The following RAB23 variants were observed in gnomAD, a reference collection of about 807,000 sequenced individuals.
The protein encoded by RAB23 is ras-related protein Rab-23.
RAB23 carries 15 observed loss-of-function variants against 30.0 expected under a neutral mutation model. The observed-to-expected ratio is 0.50, with a 90% CI of 0.33 to 0.77. The LOEUF (loss-of-function observed/expected upper bound fraction) is 0.77. RAB23 is among the 30% of genes least tolerant of loss of function. The pLI, the probability that RAB23 is intolerant of heterozygous loss-of-function variation, is 0.02. For synonymous variants in RAB23, 93 were observed against 94.0 expected (o/e 0.99, Z 0.06); for missense variants, 243 against 275.4 (o/e 0.88, Z 0.83).
chr6:57,190,005 G>GGT lies in RAB23; in HGVS notation c.*454_*455dup, dbSNP rs1764776127. 1 of 205,362 alleles carries GGT rather than the reference G, an allele frequency of 4.9e-6. No individual in the cohort carries two copies. Among genetic ancestry groups the GGT allele is most frequent in the Non-Finnish European group, 9.9e-6 (1 of 100,686 alleles). The allele number at this position is 205,362 out of a possible 1,614,324, so 12.7% of individuals were successfully genotyped here. On this transcript the variant is annotated 3_prime_UTR_variant, in exon 7 of 7. Transcript: ENST00000468148. The stretch of plus-strand genomic sequence containing the variant: ...ACTAATGCAGTCTGGCAAGATTTAG[G>GGT]GTTTACCTTTCAGTATTATTTTGTG...
intron 1 of RAB23, among the ~76,000 whole-genome samples, chr6:57,214,545 C>T (rs980524403): frequency 6.6e-6 from 1 of 152,142 alleles, no homozygotes; most frequent in African/African-American, 2.4e-5. Context: ...CTCAAGTGAT[C>T]CACCTGCCTT....
chr6:57,216,327 C>G (rs563439135), intron 1 of RAB23, among the ~76,000 whole-genome samples: 1 of 152,194 alleles, frequency 6.6e-6, no homozygotes, highest in South Asian at 2.1e-4. Flanking sequence ...CAAGAACAAC[C>G]ACTAAAACAA....
intron 1 of RAB23, among the ~76,000 whole-genome samples, chr6:57,219,219 T>G (rs1205546799): frequency 1.3e-5 from 2 of 152,216 alleles, no homozygotes; most frequent in African/African-American, 4.8e-5. Context: ...CCAGTATTTT[T>G]TAGAATGAGA....
chr6:57,213,505 AC>A (rs1242825800), intron 1 of RAB23, among the ~76,000 whole-genome samples: 4 of 152,106 alleles, frequency 2.6e-5, no homozygotes, highest in Non-Finnish European at 5.9e-5. Flanking sequence ...ACAATTCTTC[AC>A]CCAAGAAGAC....
intron 3 of RAB23, among the ~76,000 whole-genome samples, chr6:57,200,720 C>A (rs574002785): frequency 3.0e-4 from 46 of 151,954 alleles, no homozygotes; most frequent in African/African-American, 1.1e-3. Context: ...CAGCAACTGG[C>A]GGACATTAGG....
Position 57,187,964 on chromosome 6 carries a change from C to CTATT in RAB23, c.*2493_*2496dup, listed in dbSNP as rs1192092710. On this transcript the variant is annotated 3_prime_UTR_variant, in exon 7 of 7. Transcript: ENST00000468148. Reference sequence around the variant, plus strand: ...TGCCTTATATGGGTCATTCTATATACTATTTAATTCATAGACAGAGACTGG... The same window carrying CTATT: ...TGCCTTATATGGGTCATTCTATATACTATTTATTTAATTCATAGACAGAGACTGG... 6.7e-6 allele frequency: 1 copy of CTATT among 150,310 alleles called. No homozygotes were observed. Among genetic ancestry groups the CTATT allele is most frequent in the African/African-American group, 2.5e-5 (1 of 40,420 alleles). 9.3% of individuals were successfully genotyped at this position (150,310 alleles called of 1,614,324 possible). A position where few individuals can be genotyped will look rare whatever the true frequency, so the allele number is the denominator to read the frequency against.
At chr6:57,196,723 C>T in intron 3 of RAB23, 117 bp from the exon 4 acceptor site, 2 of 1,280,038 alleles carry the variant, frequency 1.6e-6, no homozygotes, top group Non-Finnish European at 2.2e-6. Context: ...TTCAAAACAA[C>T]TTTTATGTAA....
Position 57,210,316 on chromosome 6 carries a change from T to C in RAB23, c.65A>G (p.Lys22Arg), listed in dbSNP as rs1765605718. Residue 22 changes from lysine (K) to arginine (R), a missense_variant, in exon 2 of 7, where the codon AAA (lysine) becomes AGA (arginine). Coordinates refer to ENST00000468148, the MANE Select transcript of RAB23 (RefSeq NM_016277.5). ...MVVVGNGAVGKSSMIQRYCKG... is the reference protein window; with the variant it reads ...MVVVGNGAVGRSSMIQRYCKG... ...GCAATATCGCTGAATCATACTTGAT[T>C]TTCCAACTGCTCCATTCCCTACAAC... The C allele has an allele frequency of 3.1e-6, 5 of 1,613,984 alleles. No homozygotes were observed. Among genetic ancestry groups the C allele is most frequent in the Non-Finnish European group, 2.5e-6 (3 of 1,179,846 alleles).
At position 57,201,084 on chromosome 6, in the gene RAB23, C is replaced by CTTTTTTTTTT. The variant is rs201367113; in HGVS notation, c.242-4479_242-4478insAAAAAAAAAA. Among the ~76,000 whole-genome samples, 3 of 136,906 alleles carry CTTTTTTTTTT rather than the reference C, an allele frequency of 2.2e-5. 1 individual carries two copies. Among genetic ancestry groups the CTTTTTTTTTT allele is most frequent in the African/African-American group, 3.0e-5 (1 of 32,874 alleles). The allele number at this position is 136,906 out of a possible 152,430, so 89.8% of individuals were successfully genotyped here. On this transcript the variant is annotated intron_variant, in intron 3 of 6. Transcript: ENST00000468148. ...AAAATTCAGGAAGGATTTTCTCTCTCTCTTTTTTTTTTTTTTTGAGATGGA... is the reference window on the plus strand; with the variant it reads ...AAAATTCAGGAAGGATTTTCTCTCTCTTTTTTTTTTTCTTTTTTTTTTTTTTTGAGATGGA...
rs767578317 is a variant in RAB23 at position 57,190,588 on chromosome 6, G to T, written c.587C>A (p.Thr196Lys). Residue 196 changes from threonine to lysine, a missense_variant, in exon 7 of 7, where the codon ACA (threonine) becomes AAA (lysine). Transcript: ENST00000468148. Reference protein sequence around the residue: ...SSSNKIGVFNTSGGSHSGQNS... With the variant: ...SSSNKIGVFNKSGGSHSGQNS... ...CTGACCGGAGTGACTTCCACCAGAT[G>T]TATTAAAGACACCTGTATAAATTGA... The T allele has an allele frequency of 3.7e-6, 6 of 1,613,888 alleles. No individual in the cohort carries two copies. In the African/African-American group the frequency reaches 6.7e-5, roughly 18 times the overall value.
chr6:57,207,863 G>T, intron 2 of RAB23, 150 bp from the exon 3 acceptor site: 1 of 608,922 alleles, frequency 1.6e-6, no homozygotes, highest in Non-Finnish European at 2.9e-6. Flanking sequence ...ACCTACTGGG[G>T]GTTACATCCT....
intron 3 of RAB23, among the ~76,000 whole-genome samples, chr6:57,197,927 T>C (rs749783764): frequency 3.3e-5 from 5 of 152,024 alleles, no homozygotes; most frequent in Non-Finnish European, 7.4e-5. Flanking sequence ...TTTTTTTGTT[T>C]TGTTTTGTTT....
intron 1 of RAB23, chr6:57,221,307 T>A (rs1320649361): frequency 1.3e-5 from 2 of 152,204 alleles, no homozygotes; most frequent in East Asian, 3.8e-4. Flanking sequence ...CTCCTGATAA[T>A]GAAGTTCTTA....
At chr6:57,191,446 A>G (rs1249649370) in intron 6 of RAB23, among the ~76,000 whole-genome samples, 1 of 152,118 alleles carries the variant, frequency 6.6e-6, no homozygotes, top group Non-Finnish European at 1.5e-5. Context: ...CAAATACGAT[A>G]ATTTTTATTT....
rs1406679842 is a variant in RAB23 at position 57,189,412 on chromosome 6, C to CTT, written c.*1047_*1048dup. 1 of 152,112 alleles carries CTT rather than the reference C, an allele frequency of 6.6e-6. No homozygotes were observed. Among genetic ancestry groups the CTT allele is most frequent in the Admixed American group, 6.6e-5 (1 of 15,266 alleles). 9.4% of individuals were successfully genotyped at this position (152,112 alleles called of 1,614,324 possible). A position where few individuals can be genotyped will look rare whatever the true frequency, so the allele number is the denominator to read the frequency against. On this transcript the variant is annotated 3_prime_UTR_variant, in exon 7 of 7. Coordinates refer to ENST00000468148, the MANE Select transcript of RAB23 (RefSeq NM_016277.5). ...GCACTTTAAAAATGGTTAGTGTAAT[C>CTT]TTGTAAGTTCAAAGCTGGGTTCTCA...
intron 3 of RAB23, among the ~76,000 whole-genome samples, chr6:57,199,998 T>C (rs1765182460): frequency 6.6e-6 from 1 of 152,114 alleles, no homozygotes; most frequent in Admixed American, 6.5e-5. Flanking sequence ...TTCTAATATT[T>C]AGTTTAAAAA....
chr6:57,202,978 AGTT>A (rs1424888317), intron 3 of RAB23, among the ~76,000 whole-genome samples: 1 of 150,542 alleles, frequency 6.6e-6, no homozygotes, highest in Non-Finnish European at 1.5e-5. Context: ...TCAGCTAAAA[AGTT>A]AAATTACTAA....
intron 3 of RAB23, among the ~76,000 whole-genome samples, chr6:57,199,805 T>C (rs908679425): frequency 2.0e-5 from 3 of 152,132 alleles, no homozygotes; most frequent in Non-Finnish European, 4.4e-5. Flanking sequence ...AAAAATCAAC[T>C]GGATTACTTT....
At chr6:57,198,469 G>A (rs1384300448) in intron 3 of RAB23, among the ~76,000 whole-genome samples, 10 of 151,930 alleles carry the variant, frequency 6.6e-5, no homozygotes, top group Non-Finnish European at 8.8e-5. Flanking sequence ...AGCCGAGATC[G>A]CGCCACTGCA....
Sources: allele counts gnomAD v4.1 joint callset (sites outside exome capture counted in the v4.1 genomes callset), GRCh38; gene constraint gnomAD v4.1.1; transcripts MANE v1.5; gene names NCBI Gene and HGNC (gene_info 2026-07-23, HGNC 2026-07-21).